The following NFE2L1 variants were observed in gnomAD, a reference collection of about 807,000 sequenced individuals.
NFE2L1 encodes the protein endoplasmic reticulum membrane sensor NFE2L1.
A neutral mutation model predicts 61.6 loss-of-function variants in NFE2L1; 18 were observed. The ratio of observed to expected loss-of-function variants is 0.29; its 90% CI spans 0.20 to 0.43. The LOEUF (loss-of-function observed/expected upper bound fraction) is 0.43, where lower values mean the gene tolerates loss of function less well. Ranked by LOEUF, NFE2L1 falls within the 20% of genes least tolerant of loss-of-function variation. NFE2L1 has a pLI of 1.00. For missense variants in NFE2L1, 827 were observed against 973.5 expected (o/e 0.85, Z 2.00); for synonymous variants, 419 against 402.7 (o/e 1.04, Z -0.48).
Position 48,058,279 on chromosome 17 carries a change from T to C in NFE2L1, c.973-16T>C, listed in dbSNP as rs1489511540. 6.5e-7 allele frequency: 1 copy of C among 1,548,192 alleles called. No individual in the cohort carries two copies. Among genetic ancestry groups the C allele is most frequent in the East Asian group, 2.3e-5 (1 of 44,244 alleles). The stretch of plus-strand genomic sequence containing the variant: ...GTCAGTTCCTAGTGAACAGTGGTGC[T>C]CTTCTCCCCTCCCAGGCCATGGAAG... On this transcript the variant is annotated splice_polypyrimidine_tract_variant and intron_variant, in intron 5 of 5. Transcript: ENST00000362042.
chr17:48,057,236 G>A (rs1270876530), intron 4 of NFE2L1, 108 bp from the exon 5 acceptor site: 8 of 1,587,624 alleles, frequency 5.0e-6, no homozygotes, highest in Middle Eastern at 2.1e-4. Context: ...GCTGCTGGGG[G>A]TAAATGCAGA....
chr17:48,049,465 C>T (rs1319190080), intron 1 of NFE2L1, among the ~76,000 whole-genome samples: 4 of 152,000 alleles, frequency 2.6e-5, no homozygotes, highest in Admixed American at 6.5e-5. Context: ...CGATATCGGC[C>T]CACCACAACC....
Position 48,058,354 on chromosome 17 carries a change from A to T in NFE2L1, c.1032A>T (p.Pro344=). ...TGTACAGTGCCCCTCCTGGAGACCC[A>T]CTGAGCACCAACTACAGCCTTGCCC... ...EILYSAPPGD[P]LSTNYSLAPN... Residue 344 remains proline, a synonymous_variant, in exon 6 of 6, where the codon CCA becomes CCT. Transcript: ENST00000362042. 6.2e-7 allele frequency: 1 copy of T among 1,613,898 alleles called. No homozygotes were observed.
Position 48,051,256 on chromosome 17 carries a change from C to G in NFE2L1, c.138C>G (p.Pro46=). 1.9e-6 allele frequency: 3 copies of G among 1,614,166 alleles called. No individual in the cohort carries two copies. Among genetic ancestry groups the G allele is most frequent in the Non-Finnish European group, 2.5e-6 (3 of 1,180,034 alleles). ...LPPLREIILG[P]SSAYTQTQFH... ...CACTCCGGGAGATCATCCTGGGGCC[C>G]AGTTCTGCCTATACTCAGACCCAGT... Residue 46 remains proline, a synonymous_variant, in exon 2 of 6, where the codon CCC becomes CCG. Coordinates refer to ENST00000362042, the MANE Select transcript of NFE2L1 (RefSeq NM_003204.3).
At position 48,058,838 on chromosome 17, in the gene NFE2L1, TCTTCTTCCTCTG is replaced by T. The variant is rs750087693; in HGVS notation, c.1530_1541del (p.Ala514_Ser517del). The stretch of plus-strand genomic sequence containing the variant: ...TTCCTCTTCTTCCTCCTCCTCTTCC[TCTTCTTCCTCTG>T]CTTCTTCCTCTGCCTCTTCCTCCTT... On this transcript the variant is annotated inframe_deletion, in exon 6 of 6. Coordinates refer to ENST00000362042, the MANE Select transcript of NFE2L1 (RefSeq NM_003204.3). 101 of 1,613,748 alleles carry T rather than the reference TCTTCTTCCTCTG, an allele frequency of 6.3e-5. No homozygotes were observed. The Admixed American group carries it at 6.5e-4, about 10-fold the overall frequency.
intron 2 of NFE2L1, chr17:48,055,864 G>A (rs1266276468): frequency 6.3e-6 from 1 of 159,880 alleles, no homozygotes; most frequent in African/African-American, 2.4e-5. Context: ...CAGGTGGTTG[G>A]AAATGCAGGG....
intron 3 of NFE2L1, 95 bp downstream of exon 3, chr17:48,056,693 A>G (rs964050168): frequency 2.1e-6 from 3 of 1,453,448 alleles, no homozygotes. Context: ...TTTAGAGAAG[A>G]CAGGTGGTGT....
rs1425342563 is a variant in NFE2L1 at position 48,051,175 on chromosome 17, G to C, written c.57G>C (p.Leu19=). 3.7e-6 allele frequency: 6 copies of C among 1,614,210 alleles called. No homozygotes were observed. The highest frequency in any genetic ancestry group is 4.2e-6 in the Non-Finnish European group (5 of 1,180,036). Residue 19 remains leucine, a synonymous_variant, in exon 2 of 6, where the codon CTG becomes CTC. Transcript: ENST00000362042. ...TEGLLQFTIL[L]SLIGVRVDVD... is the part of the protein sequence containing the mutation. ...GACTTCTCCAGTTCACCATTCTGCTGAGTTTGATTGGGGTACGGGTGGACG... is the reference window on the plus strand; with the variant it reads ...GACTTCTCCAGTTCACCATTCTGCTCAGTTTGATTGGGGTACGGGTGGACG...
Position 48,059,595 on chromosome 17 carries a change from A to G in NFE2L1, c.2273A>G (p.Gln758Arg). The change falls in exon 6 of 6, where the codon CAG becomes CGG. Residue 758 changes from glutamine (Q) to arginine (R), a missense_variant. Gln to Arg is a conservative substitution (Grantham distance 43). Coordinates refer to ENST00000362042, the MANE Select transcript of NFE2L1 (RefSeq NM_003204.3). The surrounding 1 kb of genome is among the most constrained non-coding windows in gnomAD (Gnocchi z 6.1). ...CTCATCCCCCGCACGATGGCCGACC[A>G]GCAGGCCCGGCGGCAGGAGAGGAAG... ...VLLIPRTMAD[Q>R]QARRQERKPK... 1.3e-6 allele frequency: 2 copies of G among 1,586,532 alleles called. No individual in the cohort carries two copies. Among genetic ancestry groups the G allele is most frequent in the Non-Finnish European group, 1.7e-6 (2 of 1,163,618 alleles).
chr17:48,051,685 A>G, intron 2 of NFE2L1, 57 bp downstream of exon 2: 1 of 1,555,490 alleles, frequency 6.4e-7, no homozygotes, highest in Admixed American at 1.9e-5. Context: ...GGCTGGTCCC[A>G]AAGGATTGTG....
At position 48,056,602 on chromosome 17, in the gene NFE2L1, C is replaced by T; in HGVS notation, c.723+4C>T. Reference sequence around the variant, plus strand: ...TGGGGAGAGCTTCCCTGCACAGGTACCATCGCCCCTGCTCACTGGGCTCTC... The same window carrying T: ...TGGGGAGAGCTTCCCTGCACAGGTATCATCGCCCCTGCTCACTGGGCTCTC... On this transcript the variant is annotated splice_donor_region_variant and intron_variant, in intron 3 of 5. Coordinates refer to ENST00000362042, the MANE Select transcript of NFE2L1 (RefSeq NM_003204.3). The T allele has an allele frequency of 6.2e-7, 1 of 1,612,336 alleles. No individual in the cohort carries two copies. Among genetic ancestry groups the T allele is most frequent in the Non-Finnish European group, 8.5e-7 (1 of 1,179,732 alleles).
At chr17:48,054,989 C>A in intron 2 of NFE2L1, 1 of 1,497,168 alleles carries the variant, frequency 6.7e-7, no homozygotes, top group Non-Finnish European at 8.9e-7. Flanking sequence ...CTTCCCGGCA[C>A]CGGCTGCCCT....
chr17:48,055,007 A>T (rs1054040008), intron 2 of NFE2L1: 1 of 1,513,204 alleles, frequency 6.6e-7, no homozygotes, highest in Admixed American at 2.0e-5. Context: ...CCTGGGGCTC[A>T]TCTCGCAGAC....
intron 2 of NFE2L1, 68 bp from the exon 3 acceptor site, chr17:48,056,318 C>T (rs916390881): frequency 6.3e-7 from 1 of 1,589,116 alleles, no homozygotes; most frequent in African/African-American, 1.3e-5. Flanking sequence ...TAGGAGGGAA[C>T]TCTGAGGGGC....
At chr17:48,056,220 G>A (rs1216961359) in intron 2 of NFE2L1, among the ~76,000 whole-genome samples, 166 bp from the exon 3 acceptor site, 2 of 152,160 alleles carry the variant, frequency 1.3e-5, no homozygotes, top group African/African-American at 2.4e-5. Context: ...GTAGATGAAT[G>A]AACACTTGCT....
intron 3 of NFE2L1, 52 bp downstream of exon 3, chr17:48,056,650 A>C (rs1194067635): frequency 6.3e-7 from 1 of 1,590,900 alleles, no homozygotes; most frequent in African/African-American, 1.3e-5. Flanking sequence ...CTACCCTGAC[A>C]CAAACCAGGC....
At chr17:48,054,954 G>A (rs2037356478) in intron 2 of NFE2L1, 1 of 1,454,550 alleles carries the variant, frequency 6.9e-7, no homozygotes, top group Non-Finnish European at 9.0e-7. Flanking sequence ...TGAAAGCCAA[G>A]AGCTCCTTGC....
Position 48,051,200 on chromosome 17 carries a change from G to C in NFE2L1, c.82G>C (p.Val28Leu). 6.2e-7 allele frequency: 1 copy of C among 1,614,200 alleles called. No individual in the cohort carries two copies. The highest frequency in any genetic ancestry group is 8.5e-7 in the Non-Finnish European group (1 of 1,180,042). Residue 28 changes from valine (V) to leucine (L), a missense_variant, in exon 2 of 6, where the codon GTG becomes CTG. Transcript: ENST00000362042. ...LLSLIGVRVDVDTYLTSQLPP... is the reference protein window; with the variant it reads ...LLSLIGVRVDLDTYLTSQLPP... ...GAGTTTGATTGGGGTACGGGTGGAC[G>C]TGGATACTTACCTGACCTCACAGCT...
chr17:48,058,427 G>C lies in NFE2L1; in HGVS notation c.1105G>C (p.Gly369Arg). The change falls in exon 6 of 6, where the codon GGG (glycine) becomes CGG (arginine). Residue 369 changes from glycine (G) to arginine (R), a missense_variant. Physicochemically the swap from Gly to Arg is moderately radical, Grantham distance 125. Transcript: ENST00000362042. Reference protein sequence around the residue: ...QNVSLHQASLGGCSQDFLLFS... With the variant: ...QNVSLHQASLRGCSQDFLLFS... ...TGTCAGCCTGCATCAGGCGTCCCTGGGGGGCTGCAGCCAGGACTTCTTACT... is the reference window on the plus strand; with the variant it reads ...TGTCAGCCTGCATCAGGCGTCCCTGCGGGGCTGCAGCCAGGACTTCTTACT... The C allele has an allele frequency of 6.2e-7, 1 of 1,614,124 alleles. No individual in the cohort carries two copies. The highest frequency in any genetic ancestry group is 8.5e-7 in the Non-Finnish European group (1 of 1,180,016).
Sources: gnomAD v4.1 joint callset for allele counts (sites outside exome capture counted in the v4.1 genomes callset) on GRCh38, gnomAD v4.1.1 for gene constraint, Gnocchi (gnomAD v3.1) non-coding constraint, MANE v1.5 for transcripts, NCBI Gene and HGNC (gene_info 2026-07-23, HGNC 2026-07-21) for gene names.